C5orf58: variants seen among roughly 807,000 people sequenced by gnomAD.
The protein encoded by C5orf58 is chromosome 5 open reading frame 58, also known as putative uncharacterized protein C5orf58.
Under a neutral mutation model 2.9 loss-of-function variants are expected in C5orf58, and 2 were observed. The ratio of observed to expected loss-of-function variants is 0.69; its 90% confidence interval spans 0.28 to 2.18. The LOEUF is 2.18. Ranked by LOEUF, C5orf58 falls within the 30% of genes most tolerant of loss-of-function variation. The pLI, the probability that C5orf58 is intolerant of heterozygous loss-of-function variation, is 0.13. For missense variants in C5orf58, 96 were observed against 91.7 expected (o/e 1.05, Z -0.19); for synonymous variants, 37 against 33.4 (o/e 1.11, Z -0.37).
downstream of C5orf58, chr5:170,250,753 CCAA>C: frequency 6.2e-7 from 1 of 1,613,428 alleles, no homozygotes; most frequent in Non-Finnish European, 8.5e-7. Context: ...AGTCCAGTTC[CCAA>C]CAAGTAAACT....
At chr5:170,251,139 A>G (rs1156751501), downstream of C5orf58, 11 of 396,732 alleles carry the variant, frequency 2.8e-5, no homozygotes, top group Middle Eastern at 7.0e-4. Context: ...CAATCTCGTT[A>G]AAGCCTCCTG....
intron 3 of C5orf58, among the ~76,000 whole-genome samples, chr5:170,240,182 A>G (rs1760931965): frequency 6.6e-6 from 1 of 151,384 alleles, no homozygotes; most frequent in South Asian, 2.1e-4. Flanking sequence ...TCACTGTTGG[A>G]CATTTGGGTT....
chr5:170,248,690 T>C (rs3830455), downstream of C5orf58: 8 of 398,140 alleles, frequency 2.0e-5, no homozygotes, highest in East Asian at 5.9e-4. Context: ...TGCTCGGCTA[T>C]AACTTGCTAT....
chr5:170,242,669 T>C (rs1480326598), intron 3 of C5orf58, among the ~76,000 whole-genome samples: 1 of 128,596 alleles, frequency 7.8e-6, no homozygotes, highest in African/African-American at 3.1e-5. Flanking sequence ...TCTTCTCTCT[T>C]TTTTTCTTTA....
chr5:170,249,309 CAAG>C (rs781492640), downstream of C5orf58, among the ~76,000 whole-genome samples: 1 of 148,518 alleles, frequency 6.7e-6, no homozygotes. Flanking sequence ...GCCTGGGTAA[CAAG>C]AAGGAAACTC....
At chr5:170,248,149 T>A (rs1198491559), downstream of C5orf58, 1 of 152,374 alleles carries the variant, frequency 6.6e-6, no homozygotes, top group African/African-American at 2.4e-5. Context: ...CATAAAAAAA[T>A]TACGTAAAAA....
chr5:170,237,926 C>G (rs1464928059), intron 3 of C5orf58, among the ~76,000 whole-genome samples: 1 of 152,204 alleles, frequency 6.6e-6, no homozygotes, highest in Non-Finnish European at 1.5e-5. Flanking sequence ...TACCAAAATA[C>G]TGGCAGCCAG....
exon 3 of C5orf58, chr5:170,251,906 T>C: frequency 4.1e-6 from 1 of 242,458 alleles, no homozygotes; most frequent in Non-Finnish European, 8.8e-6. Flanking sequence ...AGATTTTTGC[T>C]TTCCCATTTC....
At chr5:170,247,967 C>T (rs1761337475), downstream of C5orf58, 1 of 152,160 alleles carries the variant, frequency 6.6e-6, no homozygotes, top group Non-Finnish European at 1.5e-5. Context: ...ACACCAAAGT[C>T]TCATCCCTAA....
exon 3 of C5orf58, chr5:170,251,684 C>A: frequency 2.2e-6 from 1 of 455,886 alleles, no homozygotes; most frequent in South Asian, 1.5e-5. Context: ...GCTAAACAAA[C>A]ATACTTCTGG....
chr5:170,251,631 G>T, intron 2 of C5orf58: 1 of 456,044 alleles, frequency 2.2e-6, no homozygotes, highest in Non-Finnish European at 4.4e-6. Flanking sequence ...ACTTTCCTTT[G>T]TTCCTTTTAT....
downstream of C5orf58, among the ~76,000 whole-genome samples, chr5:170,250,198 G>A (rs184748265): frequency 4.0e-4 from 61 of 152,198 alleles, no homozygotes; most frequent in African/African-American, 1.4e-3. Context: ...CTTTCCATCC[G>A]TTCTGATTAG....
chr5:170,234,129 C>T lies in C5orf58; in HGVS notation c.-70C>T. 1 of 1,367,304 alleles carries T rather than the reference C, an allele frequency of 7.3e-7. No individual in the cohort carries two copies. The highest frequency in any genetic ancestry group is 9.8e-7 in the Non-Finnish European group (1 of 1,021,548). 84.7% of individuals were successfully genotyped at this position (1,367,304 alleles called of 1,614,324 possible). A position where few individuals can be genotyped will look rare whatever the true frequency, so the allele number is the denominator to read the frequency against. ...AACAAAATTAGTTTTTTTACAGTGG[C>T]TCTGAAATGAGAGAAATTGCAGAAA... On this transcript the variant is annotated 5_prime_UTR_variant, in exon 2 of 4. Transcript: ENST00000593851.
chr5:170,251,420 CTTTTT>C (rs889183918), intron 2 of C5orf58: 1 of 212,898 alleles, frequency 4.7e-6, no homozygotes, highest in African/African-American at 2.3e-5. Flanking sequence ...CTTTTCTTTT[CTTTTT>C]TCTGATATTT....
At chr5:170,233,628 T>A (rs1760612000) in intron 1 of C5orf58, 1 of 158,104 alleles carries the variant, frequency 6.3e-6, no homozygotes, top group East Asian at 1.9e-4. Flanking sequence ...CATCCTGGCT[T>A]CTGACCCCCC....
intron 3 of C5orf58, among the ~76,000 whole-genome samples, chr5:170,244,292 G>T (rs1165145868): frequency 6.7e-6 from 1 of 149,534 alleles, no homozygotes; most frequent in Non-Finnish European, 1.5e-5. Flanking sequence ...TCTTTGTGGC[G>T]TTCTCTGTAT....
intron 3 of C5orf58, among the ~76,000 whole-genome samples, chr5:170,245,278 C>T (rs1022657905): frequency 6.6e-6 from 1 of 152,350 alleles, no homozygotes; most frequent in African/African-American, 2.4e-5. Flanking sequence ...AGGCAGGCCT[C>T]TTTGAGCTGT....
At chr5:170,241,698 A>T (rs1761015268) in intron 3 of C5orf58, among the ~76,000 whole-genome samples, 1 of 146,762 alleles carries the variant, frequency 6.8e-6, no homozygotes, top group Non-Finnish European at 1.5e-5. Context: ...GGGGTTTTCT[A>T]GATATACAAT....
chr5:170,236,271 T>C (rs960694195), intron 3 of C5orf58, among the ~76,000 whole-genome samples: 2 of 152,104 alleles, frequency 1.3e-5, no homozygotes, highest in African/African-American at 4.8e-5. Flanking sequence ...CCTAATATGC[T>C]TTTTCCATGT....
Sources: gnomAD v4.1 joint callset for allele counts (sites outside exome capture counted in the v4.1 genomes callset) on GRCh38, gnomAD v4.1.1 for gene constraint, MANE v1.5 for transcripts, NCBI Gene and HGNC (gene_info 2026-07-23, HGNC 2026-07-21) for gene names.